Variants in LIFR observed in about 807,000 individuals in gnomAD.
LIFR encodes the protein LIF receptor subunit alpha, also known as leukemia inhibitory factor receptor.
LIFR carries 84 observed loss-of-function variants against 122.2 expected under a neutral mutation model. The observed-to-expected ratio is 0.69, with a 90% CI of 0.58 to 0.82. The LOEUF (loss-of-function observed/expected upper bound fraction) is 0.82. Among genes scored for constraint, LIFR ranks in the 40% least tolerant of loss-of-function variants. The probability of loss-of-function intolerance (pLI) is 0.00; values close to 1 mark genes in which losing one functional copy is unlikely to be tolerated. For missense variants in LIFR, 1,294 were observed against 1,311.6 expected, an observed-to-expected ratio of 0.99 and a Z score of 0.21; for synonymous variants, 422 against 434.7, an observed-to-expected ratio of 0.97 and a Z score of 0.36.
intron 17 of LIFR, 118 bp downstream of exon 17, chr5:38,485,701 G>T: frequency 1.7e-6 from 2 of 1,158,162 alleles, no homozygotes; most frequent in Non-Finnish European, 2.6e-6. Flanking sequence ...GCCAAAAACT[G>T]CAACAAAATG....
intron 1 of LIFR, among the ~76,000 whole-genome samples, chr5:38,534,587 A>G (rs975011629): frequency 6.6e-6 from 1 of 152,240 alleles, no homozygotes; most frequent in Non-Finnish European, 1.5e-5. Context: ...ATAACCCAGC[A>G]CAAGGAATCT....
intron 7 of LIFR, among the ~76,000 whole-genome samples, 161 bp from the exon 8 acceptor site, chr5:38,506,793 T>C (rs1458817469): frequency 4.6e-5 from 7 of 152,248 alleles, no homozygotes; most frequent in Admixed American, 3.9e-4. Context: ...CTCTGTAGCA[T>C]GTCTTGTCAG....
intron 1 of LIFR, among the ~76,000 whole-genome samples, chr5:38,540,716 GTTT>G (rs974077835): frequency 6.6e-6 from 1 of 151,468 alleles, no homozygotes; most frequent in Non-Finnish European, 1.5e-5. Context: ...TGCTTTTTTA[GTTT>G]TTTTTATTAT....
chr5:38,495,181 A>C (rs1744813327), intron 13 of LIFR, among the ~76,000 whole-genome samples: 1 of 152,206 alleles, frequency 6.6e-6, no homozygotes, highest in South Asian at 2.1e-4. Flanking sequence ...TGATGACAGA[A>C]TTGCTAGTTC....
rs1247539523 is a variant in LIFR at position 38,481,208 on chromosome 5, C to T, written c.*387G>A. On this transcript the variant is annotated 3_prime_UTR_variant, in exon 20 of 20. Transcript: ENST00000453190. ...ACATTTTCTCCCTGGCCTGCAAATC[C>T]ACTTACAATTCCACCAAGTATACAC... 1.7e-5 allele frequency: 5 copies of T among 287,212 alleles called. No homozygotes were observed. In the East Asian group the frequency reaches 2.1e-4, roughly 12 times the overall value. The allele number at this position is 287,212 out of a possible 1,614,324, so 17.8% of individuals were successfully genotyped here.
In LIFR at chr5:38,523,442, C is replaced by T. The variant is rs1746507547; in HGVS notation, c.538G>A (p.Glu180Lys). The T allele has an allele frequency of 3.1e-6, 5 of 1,612,734 alleles. No individual in the cohort carries two copies. The highest frequency in any genetic ancestry group is 4.2e-6 in the Non-Finnish European group (5 of 1,179,554). Residue 180 changes from glutamate to lysine, a missense_variant, in exon 5 of 20, where the codon GAG (glutamate) becomes AAG (lysine). By Grantham distance (56) the Glu-to-Lys change is moderately conservative. Coordinates refer to ENST00000453190, the MANE Select transcript of LIFR (RefSeq NM_001127671.2). ...VIWEIKVLRK[E>K]SMELVKLVTH... The stretch of plus-strand genomic sequence containing the variant: ...ACTAATTTTACGAGCTCCATACTCT[C>T]TTTACGTAGAACTTTAATTTCCCAG...
chr5:38,477,545 C>T lies in LIFR; in HGVS notation c.*4050G>A, dbSNP rs1743782118. The T allele has an allele frequency of 4.6e-6, 1 of 215,676 alleles. No individual in the cohort carries two copies. The highest frequency in any genetic ancestry group is 1.9e-4 in the South Asian group (1 of 5,370). The allele number at this position is 215,676 out of a possible 1,614,324, so 13.4% of individuals were successfully genotyped here. A position where few individuals can be genotyped will look rare whatever the true frequency, so the allele number is the denominator to read the frequency against. ...TACAAACATGCCCCAGTTGCACACC[C>T]ATCAAAGAAGAAGAAATTATGAACA... On this transcript the variant is annotated 3_prime_UTR_variant, in exon 20 of 20. Transcript: ENST00000453190.
chr5:38,501,617 T>A (rs1300356424), intron 11 of LIFR, among the ~76,000 whole-genome samples: 3 of 152,066 alleles, frequency 2.0e-5, no homozygotes, highest in Non-Finnish European at 1.5e-5. Context: ...CCGGGCGTGG[T>A]GGTGGGGCCC....
At chr5:38,556,001 G>A (rs1748509100) in intron 1 of LIFR, among the ~76,000 whole-genome samples, 1 of 152,156 alleles carries the variant, frequency 6.6e-6, no homozygotes, top group African/African-American at 2.4e-5. Context: ...TGAAGCAGAG[G>A]GGCACGAAAT....
chr5:38,475,077 C>T lies in LIFR; in HGVS notation c.*6518G>A, dbSNP rs1021238040. ...AACATCTTTAGAGTTAACAGCCAAG[C>T]ATACTAGTTTTACATTTATGGTGTT... On this transcript the variant is annotated 3_prime_UTR_variant, in exon 20 of 20. Coordinates refer to ENST00000453190, the MANE Select transcript of LIFR (RefSeq NM_001127671.2). The T allele has an allele frequency of 1.1e-5, 2 of 178,132 alleles. No homozygotes were observed. Among genetic ancestry groups the T allele is most frequent in the African/African-American group, 4.7e-5 (2 of 42,346 alleles). 11.0% of individuals were successfully genotyped at this position (178,132 alleles called of 1,614,324 possible).
chr5:38,479,735 A>C lies in LIFR; in HGVS notation c.*1860T>G, dbSNP rs748353397. ...GGGAGAGAAGGCAGCCCCAGGTCTG[A>C]TGTCTGGGGTGGAAGCTAAGGGAAG... On this transcript the variant is annotated 3_prime_UTR_variant, in exon 20 of 20. Coordinates refer to ENST00000453190, the MANE Select transcript of LIFR (RefSeq NM_001127671.2). 2.5e-4 allele frequency: 57 copies of C among 231,646 alleles called. No individual in the cohort carries two copies. The highest frequency in any genetic ancestry group is 4.4e-4 in the Non-Finnish European group (51 of 117,096). The allele number at this position is 231,646 out of a possible 1,614,324, so 14.3% of individuals were successfully genotyped here.
intron 1 of LIFR, among the ~76,000 whole-genome samples, chr5:38,562,238 T>C (rs1314299269): frequency 1.3e-5 from 2 of 152,198 alleles, no homozygotes; most frequent in Non-Finnish European, 2.9e-5. Context: ...AGGAATCTTA[T>C]TGTTTCCCTT....
intron 11 of LIFR, among the ~76,000 whole-genome samples, chr5:38,502,046 A>G (rs1745211529): frequency 6.6e-6 from 1 of 151,908 alleles, no homozygotes; most frequent in African/African-American, 2.4e-5. Flanking sequence ...GCAGAAAAGA[A>G]TGGGAGAAAA....
At position 38,574,057 on chromosome 5, in the gene LIFR, A is replaced by G. The variant is rs945161616; in HGVS notation, c.-20+21204T>C. Among the ~76,000 whole-genome samples the G allele has an allele frequency of 5.3e-5, 8 of 152,116 alleles. 1 individual carries two copies. Among genetic ancestry groups the G allele is most frequent in the African/African-American group, 1.4e-4 (6 of 41,440 alleles). ...CTTGAACCTGGGAGGCAGAGGTTGC[A>G]GTGAGCCGAGATGGCACCACTGCTT... is the stretch of plus-strand genomic sequence containing the variant. On this transcript the variant is annotated intron_variant, in intron 1 of 19. Transcript: ENST00000263409.
intron 18 of LIFR, among the ~76,000 whole-genome samples, chr5:38,484,276 T>C (rs1391979414): frequency 6.6e-6 from 1 of 152,184 alleles, no homozygotes; most frequent in African/African-American, 2.4e-5. Context: ...TGGATGCCTA[T>C]GGTTTACTGT....
Position 38,510,726 on chromosome 5 carries a change from G to A in LIFR, c.737-8C>T, listed in dbSNP as rs1329541833. On this transcript the variant is annotated splice_polypyrimidine_tract_variant and splice_region_variant and intron_variant, in intron 6 of 19. Coordinates refer to ENST00000453190, the MANE Select transcript of LIFR (RefSeq NM_001127671.2). ...TCTGAGAATCAGGTATCCCTAGAAA[G>A]AAAAAGAGGAATTATAAACATTTTA... is the stretch of plus-strand genomic sequence containing the variant. 6.2e-7 allele frequency: 1 copy of A among 1,601,726 alleles called. No homozygotes were observed. Among genetic ancestry groups the A allele is most frequent in the Non-Finnish European group, 8.5e-7 (1 of 1,170,754 alleles).
chr5:38,535,224 G>T (rs531186956), intron 1 of LIFR, among the ~76,000 whole-genome samples: 97 of 152,124 alleles, frequency 6.4e-4, no homozygotes, highest in Non-Finnish European at 1.2e-3. Context: ...AGACCCTTCA[G>T]GACTCCTTAG....
intron 5 of LIFR, among the ~76,000 whole-genome samples, chr5:38,519,568 T>A (rs1746291930): frequency 6.6e-6 from 1 of 152,204 alleles, no homozygotes; most frequent in Non-Finnish European, 1.5e-5. Flanking sequence ...TCTATCTAAC[T>A]GTACATTTGT....
intron 13 of LIFR, among the ~76,000 whole-genome samples, chr5:38,495,664 G>A (rs1194555996): frequency 2.0e-5 from 3 of 152,110 alleles, no homozygotes; most frequent in African/African-American, 4.8e-5. Context: ...CTCCCATATC[G>A]GGGCAAGAGA....
Sources: gnomAD v4.1 joint callset for allele counts (sites outside exome capture counted in the v4.1 genomes callset) on GRCh38, gnomAD v4.1.1 for gene constraint, MANE v1.5 for transcripts, NCBI Gene and HGNC (gene_info 2026-07-23, HGNC 2026-07-21) for gene names.